Variants in DRC9 observed in about 807,000 individuals in gnomAD.
DRC9 encodes dynein regulatory complex subunit 9.
At chr3:197,908,467 C>T in the DRC9 span, among the ~76,000 whole-genome samples, 1 of 147,862 alleles carries the variant, frequency 6.8e-6, no homozygotes, top group African/African-American at 2.5e-5. Flanking sequence ...TCCAAGGCAC[C>T]CTCCCAGATG....
At chr3:197,901,601 T>C in the DRC9 span, among the ~76,000 whole-genome samples, 7 of 152,238 alleles carry the variant, frequency 4.6e-5, no homozygotes, top group African/African-American at 1.4e-4. This position sits in a 1 kb window ranked among gnomAD's most constrained non-coding sequence, Gnocchi z 4.4. Flanking sequence ...GCACTCTCCA[T>C]GGGCCTGTGG....
chr3:197,889,815 A>C, the DRC9 span: 1 of 1,364,688 alleles, frequency 7.3e-7, no homozygotes, highest in Non-Finnish European at 1.0e-6. Flanking sequence ...TCTGTCTGAC[A>C]AACAGTCTCT....
At chr3:197,896,087 A>G in the DRC9 span, among the ~76,000 whole-genome samples, 1 of 151,510 alleles carries the variant, frequency 6.6e-6, no homozygotes, top group East Asian at 1.9e-4. Flanking sequence ...TCACACCTGT[A>G]ATGCCAGCAC....
At chr3:197,903,635 CAATA>C in the DRC9 span, among the ~76,000 whole-genome samples, 1 of 151,862 alleles carries the variant, frequency 6.6e-6, no homozygotes, top group Non-Finnish European at 1.5e-5. Context: ...GACTCTGTCT[CAATA>C]AATAAATATA....
chr3:197,947,452 C>A, the DRC9 span, among the ~76,000 whole-genome samples: 12 of 152,206 alleles, frequency 7.9e-5, no homozygotes, highest in African/African-American at 2.9e-4. Flanking sequence ...GACCCAACTA[C>A]AACTGCACTT....
the DRC9 span, among the ~76,000 whole-genome samples, chr3:197,946,262 C>T: frequency 3.0e-4 from 46 of 151,380 alleles, no homozygotes; most frequent in South Asian, 8.4e-3. Flanking sequence ...GGTGAAACCC[C>T]GTCTCTACTA....
the DRC9 span, among the ~76,000 whole-genome samples, chr3:197,917,889 C>G: frequency 6.6e-6 from 1 of 151,826 alleles, no homozygotes; most frequent in Non-Finnish European, 1.5e-5. Context: ...TGCCACCATG[C>G]CTGGCTAATT....
chr3:197,913,564 C>T, the DRC9 span: 1 of 492,832 alleles, frequency 2.0e-6, no homozygotes, highest in Non-Finnish European at 3.7e-6. Flanking sequence ...CTAAGCACCT[C>T]GTTTTGCCCT....
the DRC9 span, chr3:197,892,827 C>T: frequency 1.3e-6 from 2 of 1,572,680 alleles, no homozygotes; most frequent in South Asian, 2.2e-5. Flanking sequence ...TATGATTCCA[C>T]TTATACGAGT....
the DRC9 span, among the ~76,000 whole-genome samples, chr3:197,927,697 T>C: frequency 6.6e-6 from 1 of 152,188 alleles, no homozygotes; most frequent in South Asian, 2.1e-4. Context: ...GAAAGGTTTA[T>C]TGAAACAAAC....
the DRC9 span, chr3:197,938,907 C>T: frequency 1.4e-5 from 10 of 722,258 alleles, no homozygotes; most frequent in Non-Finnish European, 2.3e-5. Context: ...GAAAATGTGC[C>T]CCTTTCTTCA....
chr3:197,889,433 G>C, the DRC9 span: 1 of 903,666 alleles, frequency 1.1e-6, no homozygotes, highest in Non-Finnish European at 1.7e-6. Flanking sequence ...GAAATTAACA[G>C]GCAAAGTGAA....
chr3:197,943,075 TAA>T, the DRC9 span, among the ~76,000 whole-genome samples: 1 of 152,204 alleles, frequency 6.6e-6, no homozygotes, highest in African/African-American at 2.4e-5. Flanking sequence ...AATTTTCTGA[TAA>T]CTCAGTGCTG....
chr3:197,953,035 G>A, the DRC9 span, among the ~76,000 whole-genome samples: 2 of 151,874 alleles, frequency 1.3e-5, no homozygotes, highest in Non-Finnish European at 2.9e-5. Context: ...TCCTGACCTC[G>A]TGATCCACCC....
the DRC9 span, among the ~76,000 whole-genome samples, chr3:197,901,751 A>T: frequency 6.6e-6 from 1 of 152,232 alleles, no homozygotes; most frequent in Non-Finnish European, 1.5e-5. This position sits in a 1 kb window ranked among gnomAD's most constrained non-coding sequence, Gnocchi z 4.4. Context: ...TTTTGACTCC[A>T]GCTCTTGGCT....
chr3:197,936,410 G>A, the DRC9 span, among the ~76,000 whole-genome samples: 20 of 152,078 alleles, frequency 1.3e-4, no homozygotes, highest in East Asian at 2.3e-3. Flanking sequence ...TGTCACACAC[G>A]CTGGAGTGCA....
the DRC9 span, among the ~76,000 whole-genome samples, chr3:197,942,334 A>G: frequency 6.8e-6 from 1 of 147,026 alleles, no homozygotes; most frequent in African/African-American, 2.5e-5. Flanking sequence ...CAGTGAGCCA[A>G]GATCGCGCCA....
At chr3:197,941,058 C>T in the DRC9 span, among the ~76,000 whole-genome samples, 3 of 152,050 alleles carry the variant, frequency 2.0e-5, no homozygotes, top group Non-Finnish European at 4.4e-5. Flanking sequence ...TTACTCTTTT[C>T]AAAGGCTGAC....
the DRC9 span, chr3:197,914,066 T>G: frequency 1.9e-6 from 3 of 1,605,830 alleles, no homozygotes; most frequent in Middle Eastern, 1.6e-4. Context: ...ACCAGGTTTC[T>G]AAATTGAAAA....
Sources: gnomAD v4.1 joint callset for allele counts (sites outside exome capture counted in the v4.1 genomes callset) on GRCh38, gnomAD v4.1.1 for gene constraint, Gnocchi (gnomAD v3.1) non-coding constraint, MANE v1.5 for transcripts, NCBI Gene and HGNC (gene_info 2026-07-23, HGNC 2026-07-21) for gene names.